Variants in SHANK2 observed in about 807,000 individuals in gnomAD.
The protein encoded by SHANK2 is SH3 and multiple ankyrin repeat domains 2, also known as SH3 and multiple ankyrin repeat domains protein 2.
A neutral mutation model predicts 133.7 loss-of-function variants in SHANK2; 43 were observed. The ratio of observed to expected loss-of-function variants is 0.32; its 90% CI spans 0.25 to 0.41. The LOEUF is 0.41. Ranked by LOEUF, SHANK2 falls within the 10% of genes least tolerant of loss-of-function variation. The pLI, the probability that SHANK2 is intolerant of heterozygous loss-of-function variation, is 1.00. For synonymous variants in SHANK2, 1,017 were observed against 952.8 expected, an observed-to-expected ratio of 1.07 and a Z score of -1.24; for missense variants, 1,994 against 2,235.8, an observed-to-expected ratio of 0.89 and a Z score of 2.18.
chr11:70,885,789 G>A (rs1372815645), intron 11 of SHANK2, among the ~76,000 whole-genome samples: 2 of 152,130 alleles, frequency 1.3e-5, no homozygotes, highest in Non-Finnish European at 2.9e-5. Context: ...CTCCCTGGGC[G>A]TCGGTGCTGG....
At chr11:70,884,690 C>G (rs1949710362) in intron 11 of SHANK2, among the ~76,000 whole-genome samples, 1 of 152,168 alleles carries the variant, frequency 6.6e-6, no homozygotes, top group Admixed American at 6.6e-5. Context: ...GAACAGTGTT[C>G]CTGCTTTGTA....
chr11:71,059,492 G>T (rs1003027808), intron 9 of SHANK2, among the ~76,000 whole-genome samples: 1 of 152,090 alleles, frequency 6.6e-6, no homozygotes, highest in Non-Finnish European at 1.5e-5. Flanking sequence ...TGTGTGAATT[G>T]CATCTCAATA....
chr11:71,085,976 T>TA (rs1951397260), intron 8 of SHANK2, among the ~76,000 whole-genome samples: 148 of 10,706 alleles, frequency 0.014, 1 homozygote, highest in African/African-American at 0.022. Context: ...ATTATATATA[T>TA]TATGTTATAT....
intron 1 of SHANK2, among the ~76,000 whole-genome samples, chr11:71,235,311 A>G (rs1954812077): frequency 6.6e-6 from 1 of 152,138 alleles, no homozygotes. Context: ...ACTCTTGCAC[A>G]GGACGGGCAC....
chr11:70,497,613 C>T (rs559461869), intron 21 of SHANK2, among the ~76,000 whole-genome samples: 185 of 152,312 alleles, frequency 1.2e-3, no homozygotes, highest in Admixed American at 2.3e-3. Flanking sequence ...GGTTTGTCAC[C>T]TGCCTGTTAC....
At chr11:70,659,688 A>C (rs1256539246) in intron 17 of SHANK2, 140 bp downstream of exon 17, 4 of 1,038,358 alleles carry the variant, frequency 3.9e-6, no homozygotes, top group Non-Finnish European at 5.8e-6. Context: ...CGGTGGGAGA[A>C]ACTGACCAAT....
In SHANK2 at chr11:70,509,442, GA is replaced by G. The variant is rs200893877; in HGVS notation, c.2062-6512del. 6.6e-4 allele frequency among the ~76,000 whole-genome samples: 75 copies of G among 114,048 alleles called. 2 individuals carry two copies. In the South Asian group the frequency reaches 0.019, roughly 29 times the overall value. The allele number at this position is 114,048 out of a possible 152,430, so 74.8% of individuals were successfully genotyped here. ...GGCCTCAAGTCCCATTTATCCCATTGAGGGGGGGCTCCCAGCATGGAGCTCT... is the reference window on the plus strand; with the variant it reads ...GGCCTCAAGTCCCATTTATCCCATTGGGGGGGGCTCCCAGCATGGAGCTCT... On this transcript the variant is annotated intron_variant, in intron 17 of 25. Transcript: ENST00000601538.
chr11:71,235,415 G>A (rs1985681), intron 1 of SHANK2, among the ~76,000 whole-genome samples: 17,403 of 151,984 alleles, frequency 0.11, 2,841 homozygotes, highest in African/African-American at 0.36. Flanking sequence ...CCAACATGGT[G>A]AAACCCTGTC....
rs1555154616 is a variant in SHANK2 at position 70,487,626 on chromosome 11, AG to A, written c.2666del (p.Pro889LeufsTer56). 1.2e-6 allele frequency: 2 copies of A among 1,604,558 alleles called. No individual in the cohort carries two copies. The highest frequency in any genetic ancestry group is 2.2e-5 in the East Asian group (1 of 44,480). ...SMPDTSEDIP[P>X]PPQSVPPSPP... ...GGGACGGGGGCACAGACTGCGGTGG[AG>A]GGGGGATGTCCTCAGAGGTGTCCGG... On this transcript the variant is annotated frameshift_variant, in exon 25 of 26. Transcript: ENST00000601538. LOFTEE classifies it high-confidence loss of function. The surrounding 1 kb of genome is among the most constrained non-coding windows in gnomAD (Gnocchi z 5.8).
chr11:70,647,394 T>A (rs1167585899), intron 17 of SHANK2: 1 of 152,146 alleles, frequency 6.6e-6, no homozygotes, highest in African/African-American at 2.4e-5. Context: ...CCCTGACAGG[T>A]GGCACAGGAG....
chr11:70,590,012 A>G (rs538901487), intron 17 of SHANK2, among the ~76,000 whole-genome samples: 1 of 151,998 alleles, frequency 6.6e-6, no homozygotes, highest in Non-Finnish European at 1.5e-5. Context: ...AAAATTAGCC[A>G]GGCGCGGTGG....
intron 6 of SHANK2, among the ~76,000 whole-genome samples, 163 bp downstream of exon 6, chr11:71,109,778 C>T (rs2135217042): frequency 6.6e-6 from 1 of 152,376 alleles, no homozygotes; most frequent in East Asian, 1.9e-4. Context: ...GGCTCGGCCC[C>T]TTCTGACTGA....
chr11:71,085,745 A>G (rs1425379671), intron 8 of SHANK2, among the ~76,000 whole-genome samples: 3 of 74,398 alleles, frequency 4.0e-5, no homozygotes, highest in Non-Finnish European at 2.3e-5. Context: ...TATATTATAT[A>G]ATATATTATG....
At chr11:71,164,585 T>C (rs782719015) in intron 2 of SHANK2, among the ~76,000 whole-genome samples, 7 of 152,206 alleles carry the variant, frequency 4.6e-5, no homozygotes, top group Non-Finnish European at 1.0e-4. Flanking sequence ...TAAATTACTG[T>C]GTCTAGGAAC....
intron 15 of SHANK2, among the ~76,000 whole-genome samples, chr11:70,687,281 T>C (rs1314320664): frequency 2.0e-5 from 3 of 152,254 alleles, no homozygotes; most frequent in African/African-American, 7.2e-5. Flanking sequence ...GGCCTAGGCC[T>C]ATCAGGCTTG....
At chr11:70,856,593 T>C (rs532086392) in intron 11 of SHANK2, among the ~76,000 whole-genome samples, 2 of 152,244 alleles carry the variant, frequency 1.3e-5, no homozygotes, top group East Asian at 3.9e-4. Context: ...GATATATTAG[T>C]TGTATATATA....
intron 11 of SHANK2, among the ~76,000 whole-genome samples, chr11:70,837,975 C>CAAAAAAAAAAAAAAAAAAAAAA (rs55862093): frequency 4.0e-5 from 1 of 25,178 alleles, no homozygotes; most frequent in Non-Finnish European, 8.1e-5. Context: ...CATTCTGTCT[C>CAAAAAAAAAAAAAAAAAAAAAA]AAAAAAAAAA....
chr11:71,077,163 TC>T, intron 8 of SHANK2, among the ~76,000 whole-genome samples: 1 of 152,296 alleles, frequency 6.6e-6, no homozygotes, highest in South Asian at 2.1e-4. Flanking sequence ...GGATTTGTGT[TC>T]CTTGAACTGA....
chr11:71,177,321 G>GA (rs1400071189), intron 2 of SHANK2, among the ~76,000 whole-genome samples: 3 of 152,054 alleles, frequency 2.0e-5, no homozygotes, highest in Middle Eastern at 3.4e-3. Flanking sequence ...GACTAAGCAG[G>GA]AAAAAAATGT....
Sources: gnomAD v4.1 joint callset for allele counts (sites outside exome capture counted in the v4.1 genomes callset) on GRCh38, gnomAD v4.1.1 for gene constraint, Gnocchi (gnomAD v3.1) non-coding constraint, MANE v1.5 for transcripts, NCBI Gene and HGNC (gene_info 2026-07-23, HGNC 2026-07-21) for gene names.